The following RGPD3 variants were observed in gnomAD, a reference collection of about 807,000 sequenced individuals.
The protein encoded by RGPD3 is ranBP2-like and GRIP domain-containing protein 3.
In RGPD3, 62 loss-of-function variants were observed where a neutral mutation model predicts 154.5. That is an observed-to-expected ratio of 0.40 (90% CI 0.33 to 0.50). The LOEUF (loss-of-function observed/expected upper bound fraction) is 0.50. RGPD3 is among the 20% of genes least tolerant of loss of function. The probability of loss-of-function intolerance (pLI) is 0.59; values close to 1 mark genes in which losing one functional copy is unlikely to be tolerated. For synonymous variants in RGPD3, 308 were observed against 607.0 expected, an observed-to-expected ratio of 0.51 and a Z score of 7.24; for missense variants, 919 against 1,716.8, an observed-to-expected ratio of 0.54 and a Z score of 8.21.
chr2:106,468,805 C>CAAA (rs57971663), upstream of RGPD3, among the ~76,000 whole-genome samples: 2 of 56,916 alleles, frequency 3.5e-5, no homozygotes, highest in Non-Finnish European at 5.8e-5. Context: ...GACTCCATCT[C>CAAA]AAAAAAAAAA....
intron 21 of RGPD3, among the ~76,000 whole-genome samples, chr2:106,414,954 T>C (rs1676779946): frequency 6.6e-6 from 1 of 152,124 alleles, no homozygotes; most frequent in South Asian, 2.1e-4. Context: ...TCAATTTTTC[T>C]CTTAACCAGT....
At chr2:106,410,016 C>T (rs1445727259) in intron 22 of RGPD3, among the ~76,000 whole-genome samples, 1 of 151,490 alleles carries the variant, frequency 6.6e-6, no homozygotes, top group Non-Finnish European at 1.5e-5. Context: ...GCTGGGATTA[C>T]AGGCATGCAC....
At chr2:106,442,240 C>T (rs1388735224) in intron 7 of RGPD3, among the ~76,000 whole-genome samples, 8 of 100,096 alleles carry the variant, frequency 8.0e-5, no homozygotes, top group African/African-American at 3.1e-4. Context: ...TTAGTTTCTA[C>T]TAAAAGCACA....
chr2:106,464,828 A>G (rs1411199562), intron 1 of RGPD3, among the ~76,000 whole-genome samples: 6 of 151,810 alleles, frequency 4.0e-5, no homozygotes, highest in Non-Finnish European at 8.8e-5. Context: ...GGTTCAAGCA[A>G]TTCTCCTGTC....
rs1677148933 is a variant in RGPD3, at chr2:106,424,959, A to G, written c.3008T>C (p.Leu1003Ser). The G allele has an allele frequency of 3.7e-6, 6 of 1,611,886 alleles. No individual in the cohort carries two copies. In the East Asian group the frequency reaches 1.3e-4, roughly 36 times the overall value. Residue 1003 changes from leucine (L) to serine (S), a missense_variant, in exon 20 of 23, where the codon TTA becomes TCA. By Grantham distance (145) the Leu-to-Ser change is moderately radical. Coordinates refer to ENST00000409886, the MANE Select transcript of RGPD3 (RefSeq NM_001144013.2). ...FKGFSGAGEK[L>S]FSSQYGKMAN... ...CATTTTACCGTATTGTGATGAGAAT[A>G]ATTTTTCTCCAGCACCTGAAAATCC...
Position 106,405,161 on chromosome 2 carries a change from A to G in RGPD3, c.*58T>C. On this transcript the variant is annotated 3_prime_UTR_variant, in exon 23 of 23. Transcript: ENST00000409886. ...ATAAAAACATTCCTTCCATCAACCT[A>G]TCGAAGTCCAAACCAACTACGAAGA... 6.2e-7 allele frequency: 1 copy of G among 1,604,610 alleles called. No individual in the cohort carries two copies. The highest frequency in any genetic ancestry group is 2.2e-5 in the East Asian group (1 of 44,766).
rs1465685801 is a variant in RGPD3 at position 106,414,536 on chromosome 2, C to T, written c.5065-1251G>A. Among the ~76,000 whole-genome samples the T allele has an allele frequency of 6.7e-5, 10 of 149,554 alleles. No individual in the cohort carries two copies. In the East Asian group the frequency reaches 1.9e-3, roughly 28 times the overall value. On this transcript the variant is annotated intron_variant, in intron 21 of 22. Transcript: ENST00000409886. Reference sequence around the variant, plus strand: ...ACTCAGGAGGCTGAGGCAGGGGAATCGCTTGAACCTGGGAGGCGGAGATTG... The same window carrying T: ...ACTCAGGAGGCTGAGGCAGGGGAATTGCTTGAACCTGGGAGGCGGAGATTG...
rs180774363 is a variant in RGPD3, at chr2:106,410,277, A to G, written c.5266+2807T>C. On this transcript the variant is annotated intron_variant, in intron 22 of 22. Transcript: ENST00000409886. The stretch of plus-strand genomic sequence containing the variant: ...AGGTCTCTTTTATGTACTCACATTG[A>G]TAAGAGACAAGTAGTAAATAATCTT... 7.5e-3 allele frequency among the ~76,000 whole-genome samples: 1,139 copies of G among 152,268 alleles called. 5 individuals are homozygous for G. The highest frequency in any genetic ancestry group is 0.011 in the Admixed American group (174 of 15,282).
At chr2:106,407,344 G>A (rs1379651133) in intron 22 of RGPD3, among the ~76,000 whole-genome samples, 3 of 152,170 alleles carry the variant, frequency 2.0e-5, no homozygotes, top group African/African-American at 7.2e-5. Flanking sequence ...TGGCTCTCAA[G>A]GGGAAGAGAT....
At chr2:106,408,929 T>C (rs547521312) in intron 22 of RGPD3, among the ~76,000 whole-genome samples, 4,400 of 151,700 alleles carry the variant, frequency 0.029, 42 homozygotes, top group Middle Eastern at 0.075. Flanking sequence ...CAAGCAATCC[T>C]CCTGCCTGGT....
intron 21 of RGPD3, among the ~76,000 whole-genome samples, chr2:106,414,628 A>AG (rs1676768409): frequency 6.6e-6 from 1 of 151,370 alleles, no homozygotes; most frequent in African/African-American, 2.4e-5. Context: ...TCAAAAAAAA[A>AG]AAAGAAAATA....
chr2:106,413,811 G>A (rs1258174240), intron 21 of RGPD3, among the ~76,000 whole-genome samples: 2 of 152,074 alleles, frequency 1.3e-5, no homozygotes, highest in Non-Finnish European at 2.9e-5. Flanking sequence ...AGAAGCACAG[G>A]GTATCATGGA....
Position 106,448,815 on chromosome 2 carries a change from C to T in RGPD3, c.783-1202G>A, listed in dbSNP as rs535017002. ...AAGCGATTCTTCTGCCTCAGCCTCC[C>T]GAGCAGCTGGGACTATAGGCGCGTA... is the stretch of plus-strand genomic sequence containing the variant. On this transcript the variant is annotated intron_variant, in intron 6 of 22. Transcript: ENST00000409886. 4.9e-3 allele frequency among the ~76,000 whole-genome samples: 746 copies of T among 151,778 alleles called. 8 individuals carry two copies. The highest frequency in any genetic ancestry group is 0.016 in the African/African-American group (676 of 41,284).
At position 106,413,194 on chromosome 2, in the gene RGPD3, T is replaced by G. The variant is rs773841956; in HGVS notation, c.5156A>C (p.Gln1719Pro). 3 of 1,612,010 alleles carry G rather than the reference T, an allele frequency of 1.9e-6. No individual in the cohort carries two copies. The highest frequency in any genetic ancestry group is 1.7e-6 in the Non-Finnish European group (2 of 1,179,864). ...NVEHLKNVLL[Q>P]FIFLKPGSER... is the part of the protein sequence containing the mutation. ...ACTACCTGGCTTCAAGAAAATGAAC[T>G]GCAGCAAGACGTTCTTCAAGTGTTC... The change falls in exon 22 of 23, where the codon CAG (glutamine) becomes CCG (proline). Residue 1719 changes from glutamine (Q) to proline (P), a missense_variant. Coordinates refer to ENST00000409886, the MANE Select transcript of RGPD3 (RefSeq NM_001144013.2).
At position 106,425,050 on chromosome 2, in the gene RGPD3, C is replaced by T. The variant is rs1677151996; in HGVS notation, c.2917G>A (p.Ala973Thr). 1.2e-6 allele frequency: 2 copies of T among 1,611,920 alleles called. No homozygotes were observed. Among genetic ancestry groups the T allele is most frequent in the African/African-American group, 2.7e-5 (2 of 74,940 alleles). Residue 973 changes from alanine to threonine, a missense_variant, in exon 20 of 23, where the codon GCA becomes ACA. Coordinates refer to ENST00000409886, the MANE Select transcript of RGPD3 (RefSeq NM_001144013.2). Reference sequence around the variant, plus strand: ...CCTGAAGTTGATTTTGCAACATCTGCAAATGTAAAAGTGCTACTTGTTTGG... The same window carrying T: ...CCTGAAGTTGATTTTGCAACATCTGTAAATGTAAAAGTGCTACTTGTTTGG... ...FGQTSSTFTF[A>T]DVAKSTSGEG...
At chr2:106,461,453 T>C (rs1246734413) in intron 1 of RGPD3, among the ~76,000 whole-genome samples, 7 of 152,220 alleles carry the variant, frequency 4.6e-5, no homozygotes, top group Middle Eastern at 3.2e-3. Flanking sequence ...AAGGGATGAC[T>C]TGTGTCCTAG....
chr2:106,434,422 A>C (rs1677480498), intron 14 of RGPD3, 48 bp from the exon 15 acceptor site: 2 of 1,604,506 alleles, frequency 1.2e-6, no homozygotes, highest in African/African-American at 2.7e-5. Flanking sequence ...TAAAACAAAA[A>C]ACTTTCAGCT....
intron 1 of RGPD3, among the ~76,000 whole-genome samples, chr2:106,463,417 G>A (rs1161270294): frequency 2.0e-5 from 3 of 151,980 alleles, no homozygotes; most frequent in Non-Finnish European, 4.4e-5. Flanking sequence ...GGAGGTTGTG[G>A]TGAGCTGAGA....
intron 9 of RGPD3, among the ~76,000 whole-genome samples, chr2:106,438,691 A>G (rs1250490472): frequency 6.6e-6 from 1 of 152,030 alleles, no homozygotes; most frequent in Non-Finnish European, 1.5e-5. Context: ...CTGAGGCAGT[A>G]GAATTACTTG....
Sources: allele counts gnomAD v4.1 joint callset (sites outside exome capture counted in the v4.1 genomes callset), GRCh38; gene constraint gnomAD v4.1.1; transcripts MANE v1.5; gene names NCBI Gene and HGNC (gene_info 2026-07-23, HGNC 2026-07-21).